SLC1A3: variants seen among roughly 807,000 people sequenced by gnomAD.
SLC1A3 encodes solute carrier family 1 member 3, also known as excitatory amino acid transporter 1.
SLC1A3 carries 21 observed loss-of-function variants against 48.1 expected under a neutral mutation model. That is an observed-to-expected ratio of 0.44 (90% CI 0.31 to 0.63). The LOEUF is 0.63. SLC1A3 is among the 20% of genes least tolerant of loss of function. The probability of loss-of-function intolerance (pLI) is 0.08; values close to 1 mark genes in which losing one functional copy is unlikely to be tolerated. For missense variants in SLC1A3, 546 were observed against 689.0 expected, an observed-to-expected ratio of 0.79 and a Z score of 2.32; for synonymous variants, 239 against 251.4, an observed-to-expected ratio of 0.95 and a Z score of 0.47.
chr5:36,612,200 T>TAC (rs1384305346), intron 2 of SLC1A3, among the ~76,000 whole-genome samples: 1 of 151,826 alleles, frequency 6.6e-6, no homozygotes, highest in Non-Finnish European at 1.5e-5. Context: ...CACACACACA[T>TAC]ACACACACAC....
intron 2 of SLC1A3, among the ~76,000 whole-genome samples, chr5:36,627,088 T>C (rs1318676585): frequency 6.6e-6 from 1 of 152,112 alleles, no homozygotes; most frequent in East Asian, 1.9e-4. Context: ...AAAACAGTTA[T>C]AGCAAGTATT....
intron 2 of SLC1A3, among the ~76,000 whole-genome samples, chr5:36,617,531 C>G (rs1004479618): frequency 6.6e-6 from 1 of 151,040 alleles, no homozygotes; most frequent in South Asian, 2.1e-4. Context: ...CTTATTGACC[C>G]CTGTCCCCCA....
intron 2 of SLC1A3, among the ~76,000 whole-genome samples, chr5:36,623,433 C>A (rs1378793972): frequency 6.6e-6 from 1 of 152,128 alleles, no homozygotes; most frequent in Non-Finnish European, 1.5e-5. Flanking sequence ...AGGATTCGTT[C>A]TTTTGCACTG....
chr5:36,610,122 A>G (rs143934123), intron 2 of SLC1A3, among the ~76,000 whole-genome samples: 1 of 152,290 alleles, frequency 6.6e-6, no homozygotes, highest in East Asian at 1.9e-4. Flanking sequence ...AAGTGACAAC[A>G]CTAGTAAACT....
At position 36,686,230 on chromosome 5, in the gene SLC1A3, T is replaced by C. The variant is rs759424705; in HGVS notation, c.1590T>C (p.Asn530=). ...CATATCAACTGATTGCACAGGACAATGAAACTGAGAAACCCATCGACAGTG... is the reference window on the plus strand; with the variant it reads ...CATATCAACTGATTGCACAGGACAACGAAACTGAGAAACCCATCGACAGTG... ...KKPYQLIAQD[N]ETEKPIDSET... The change falls in exon 10 of 10, where the codon AAT becomes AAC. Residue 530 remains asparagine (N), a synonymous_variant. Coordinates refer to ENST00000265113, the MANE Select transcript of SLC1A3 (RefSeq NM_004172.5). The C allele has an allele frequency of 2.5e-6, 4 of 1,614,118 alleles. No homozygotes were observed. The highest frequency in any genetic ancestry group is 3.4e-6 in the Non-Finnish European group (4 of 1,179,966).
At chr5:36,657,815 G>T (rs1580004946) in intron 3 of SLC1A3, among the ~76,000 whole-genome samples, 1 of 152,316 alleles carries the variant, frequency 6.6e-6, no homozygotes, top group African/African-American at 2.4e-5. Context: ...AGTAGGAAGT[G>T]GTGGCTAAAA....
At chr5:36,635,629 T>C (rs1740312266) in intron 3 of SLC1A3, among the ~76,000 whole-genome samples, 1 of 152,252 alleles carries the variant, frequency 6.6e-6, no homozygotes, top group Non-Finnish European at 1.5e-5. Context: ...TGCATAATTG[T>C]AAATATTTTC....
At chr5:36,625,808 C>A (rs1270697417) in intron 2 of SLC1A3, among the ~76,000 whole-genome samples, 1 of 152,172 alleles carries the variant, frequency 6.6e-6, no homozygotes, top group Non-Finnish European at 1.5e-5. Context: ...CGTCCTCCTA[C>A]TATAGAGAAG....
chr5:36,643,119 A>G (rs1394803772), intron 3 of SLC1A3, among the ~76,000 whole-genome samples: 2 of 152,152 alleles, frequency 1.3e-5, no homozygotes, highest in South Asian at 2.1e-4. Context: ...TATTATAAAT[A>G]AGGCTGCTTT....
At chr5:36,680,783 G>A (rs1403453192) in intron 8 of SLC1A3, among the ~76,000 whole-genome samples, 194 bp downstream of exon 8, 1 of 152,136 alleles carries the variant, frequency 6.6e-6, no homozygotes, top group Non-Finnish European at 1.5e-5. Flanking sequence ...CAGGCCTGGT[G>A]GCACGGGCCT....
At chr5:36,652,035 T>C (rs991462519) in intron 3 of SLC1A3, among the ~76,000 whole-genome samples, 2 of 152,172 alleles carry the variant, frequency 1.3e-5, no homozygotes, top group Admixed American at 1.3e-4. Context: ...ATTTATGTGG[T>C]TGGCTTTTTT....
At chr5:36,664,075 T>C (rs1376988984) in intron 3 of SLC1A3, among the ~76,000 whole-genome samples, 1 of 152,198 alleles carries the variant, frequency 6.6e-6, no homozygotes, top group African/African-American at 2.4e-5. Flanking sequence ...CCCAAGATCA[T>C]AGGAAACAAA....
intron 2 of SLC1A3, among the ~76,000 whole-genome samples, chr5:36,621,469 G>A (rs113099020): frequency 6.6e-6 from 1 of 152,132 alleles, no homozygotes; most frequent in Non-Finnish European, 1.5e-5. Flanking sequence ...GTCAGTGGAG[G>A]GAGTAGGGGA....
At position 36,614,891 on chromosome 5, in the gene SLC1A3, T is replaced by G. The variant is rs112777191; in HGVS notation, c.181+6287T>G. Among the ~76,000 whole-genome samples the G allele has an allele frequency of 8.4e-3, 1,274 of 152,302 alleles. 21 individuals carry two copies. The highest frequency in any genetic ancestry group is 0.057 in the East Asian group (298 of 5,184). On this transcript the variant is annotated intron_variant, in intron 2 of 9. Transcript: ENST00000265113. Reference sequence around the variant, plus strand: ...GTAGAAGTCTTAATGTTGTTCTAAGTGTATCTCTGGATTCTATTTTGCTCT... The same window carrying G: ...GTAGAAGTCTTAATGTTGTTCTAAGGGTATCTCTGGATTCTATTTTGCTCT...
chr5:36,599,016 T>G (rs887833513), intron 1 of SLC1A3, among the ~76,000 whole-genome samples: 1 of 152,216 alleles, frequency 6.6e-6, no homozygotes, highest in African/African-American at 2.4e-5. Flanking sequence ...TAATGAGATA[T>G]TTTACATTTT....
At chr5:36,609,021 G>C (rs1035349673) in intron 2 of SLC1A3, 1 of 997,126 alleles carries the variant, frequency 1.0e-6, no homozygotes, top group African/African-American at 1.7e-5. Context: ...GTTCCAAATA[G>C]TAATTATATT....
intron 1 of SLC1A3, among the ~76,000 whole-genome samples, chr5:36,607,996 C>T (rs1210579526): frequency 6.6e-6 from 1 of 151,888 alleles, no homozygotes; most frequent in African/African-American, 2.4e-5. Flanking sequence ...TGATTGTGTA[C>T]GTTGTGCAAG....
intron 3 of SLC1A3, among the ~76,000 whole-genome samples, chr5:36,646,650 G>T (rs1047153087): frequency 2.0e-5 from 3 of 152,298 alleles, no homozygotes; most frequent in Non-Finnish European, 4.4e-5. Flanking sequence ...TGTTAGAGAG[G>T]CATAGAGCTC....
intron 9 of SLC1A3, 82 bp downstream of exon 9, chr5:36,684,080 T>C (rs1382255735): frequency 1.3e-6 from 2 of 1,555,676 alleles, no homozygotes; most frequent in African/African-American, 2.7e-5. Context: ...GCCTGGCACA[T>C]CTACAGAAAG....
Sources: gnomAD v4.1 joint callset for allele counts (sites outside exome capture counted in the v4.1 genomes callset) on GRCh38, gnomAD v4.1.1 for gene constraint, MANE v1.5 for transcripts, NCBI Gene and HGNC (gene_info 2026-07-23, HGNC 2026-07-21) for gene names.